Variants in GRAMD2B observed in about 807,000 individuals in gnomAD.
The protein encoded by GRAMD2B is GRAM domain-containing protein 2B.
GRAMD2B carries 41 observed loss-of-function variants against 59.2 expected under a neutral mutation model. That is an observed-to-expected ratio of 0.69 (90% CI 0.54 to 0.90). The LOEUF (loss-of-function observed/expected upper bound fraction) is 0.90, where lower values mean the gene tolerates loss of function less well. GRAMD2B is among the 40% of genes least tolerant of loss of function. GRAMD2B has a pLI of 0.00. For missense variants in GRAMD2B, 424 were observed against 500.5 expected (o/e 0.85, Z 1.46); for synonymous variants, 161 against 182.7 (o/e 0.88, Z 0.96).
In GRAMD2B at chr5:126,477,769, A is replaced by C. The variant is rs1770904219; in HGVS notation, c.564A>C (p.Ile188=). ...TALLVPNALI[I]ATVTDRYIFV... ...TTCTAGTGCCAAACGCCCTGATCAT[A>C]GCAACAGTCACAGACAGGGTGAGTA... Residue 188 remains isoleucine, a synonymous_variant, in exon 6 of 14, where the codon ATA becomes ATC. Coordinates refer to ENST00000285689, the MANE Select transcript of GRAMD2B (RefSeq NM_023927.4). 6.2e-7 allele frequency: 1 copy of C among 1,608,372 alleles called. No individual in the cohort carries two copies. Among genetic ancestry groups the C allele is most frequent in the African/African-American group, 1.3e-5 (1 of 74,788 alleles).
At chr5:126,363,230 A>C (rs1029864313) in intron 1 of GRAMD2B, among the ~76,000 whole-genome samples, 1 of 152,206 alleles carries the variant, frequency 6.6e-6, no homozygotes, top group Admixed American at 6.5e-5. Context: ...GCTCAGCATC[A>C]TTAGTCATTA....
At position 126,397,691 on chromosome 5, in the gene GRAMD2B, T is replaced by G. The variant is rs558714422; in HGVS notation, c.125+26124T>G. Among the ~76,000 whole-genome samples, 113 of 152,370 alleles carry G rather than the reference T, an allele frequency of 7.4e-4. 1 individual carries two copies. The highest frequency in any genetic ancestry group is 2.5e-3 in the African/African-American group (103 of 41,586). ...TGTATCACATTTATTGATTTGCATA[T>G]GTTGAACTAACCTTGCATCCCAGGA... On this transcript the variant is annotated intron_variant, in intron 1 of 8. Coordinates refer to the GRAMD2B transcript ENST00000506445.
chr5:126,404,931 A>T (rs781136822), intron 1 of GRAMD2B, among the ~76,000 whole-genome samples: 1 of 151,950 alleles, frequency 6.6e-6, no homozygotes, highest in Non-Finnish European at 1.5e-5. Context: ...AAGACTCTCC[A>T]TATTTTAATT....
intron 8 of GRAMD2B, among the ~76,000 whole-genome samples, chr5:126,481,464 A>G (rs964340283): frequency 6.6e-6 from 1 of 152,182 alleles, no homozygotes; most frequent in African/African-American, 2.4e-5. Flanking sequence ...ATATGAGCCC[A>G]TGGTTTCAAC....
intron 1 of GRAMD2B, among the ~76,000 whole-genome samples, chr5:126,404,899 C>T (rs1236246438): frequency 1.3e-5 from 2 of 151,904 alleles, no homozygotes; most frequent in Non-Finnish European, 2.9e-5. Context: ...AGGACACTTT[C>T]TACAGGTCAC....
intron 1 of GRAMD2B, among the ~76,000 whole-genome samples, chr5:126,462,884 T>G (rs930400156): frequency 6.6e-6 from 1 of 152,150 alleles, no homozygotes; most frequent in African/African-American, 2.4e-5. Context: ...GTGGAGAGTA[T>G]GTAGAAAAAA....
At chr5:126,378,050 T>C (rs538365258) in intron 1 of GRAMD2B, among the ~76,000 whole-genome samples, 79 of 152,322 alleles carry the variant, frequency 5.2e-4, no homozygotes, top group African/African-American at 1.9e-3. Context: ...GTGATATTTG[T>C]GCATAATAGA....
At chr5:126,412,294 G>C (rs1376252534) in intron 1 of GRAMD2B, among the ~76,000 whole-genome samples, 2 of 152,002 alleles carry the variant, frequency 1.3e-5, no homozygotes, top group Non-Finnish European at 2.9e-5. Context: ...TTGATGCCTA[G>C]TTTCTTAAGA....
chr5:126,369,798 A>C (rs2149689393), upstream of GRAMD2B, among the ~76,000 whole-genome samples: 1 of 152,314 alleles, frequency 6.6e-6, no homozygotes, highest in African/African-American at 2.4e-5. Context: ...CCTGCATGAG[A>C]CAGAGAGTAA....
At chr5:126,421,395 C>A (rs1302542850), upstream of GRAMD2B, among the ~76,000 whole-genome samples, 1 of 152,128 alleles carries the variant, frequency 6.6e-6, no homozygotes, top group Non-Finnish European at 1.5e-5. Flanking sequence ...TGTTCCAAAC[C>A]TATCCCTATT....
In GRAMD2B at chr5:126,360,444, G is replaced by T. The variant is rs1185573315; in HGVS notation, c.113G>T (p.Gly38Val). 3 of 1,551,140 alleles carry T rather than the reference G, an allele frequency of 1.9e-6. No homozygotes were observed. In the South Asian group the frequency reaches 3.6e-5, roughly 18 times the overall value. The change falls in exon 1 of 14, where the codon GGT becomes GTT. Residue 38 changes from glycine to valine, a missense_variant. Coordinates refer to the GRAMD2B transcript ENST00000513040. ...CACGGGAGAGAAGTGAAGCCAGTGG[G>T]TCCGGACCTGGAACTGTAAGTGACA...
At chr5:126,369,663 A>T (rs1427723093), upstream of GRAMD2B, among the ~76,000 whole-genome samples, 1 of 152,210 alleles carries the variant, frequency 6.6e-6, no homozygotes, top group East Asian at 1.9e-4. Flanking sequence ...ATATCAGTTG[A>T]TTGAGTGAGT....
At chr5:126,366,268 C>A (rs1347056083) in intron 1 of GRAMD2B, among the ~76,000 whole-genome samples, 5 of 152,180 alleles carry the variant, frequency 3.3e-5, no homozygotes. Context: ...TTCCAAGCTG[C>A]TTGGCAAGGT....
chr5:126,432,542 GACA>G (rs1200274037), intron 1 of GRAMD2B, among the ~76,000 whole-genome samples: 2 of 152,232 alleles, frequency 1.3e-5, no homozygotes, highest in African/African-American at 4.8e-5. Flanking sequence ...AATTCATCAT[GACA>G]ACTTTTATTA....
At chr5:126,414,706 T>G (rs1002442959) in intron 1 of GRAMD2B, among the ~76,000 whole-genome samples, 50 of 152,172 alleles carry the variant, frequency 3.3e-4, no homozygotes, top group Admixed American at 2.0e-3. Context: ...TGAGCTCAAG[T>G]GATCTTCCTA....
chr5:126,446,412 A>G (rs774521390), intron 1 of GRAMD2B, among the ~76,000 whole-genome samples: 7 of 152,106 alleles, frequency 4.6e-5, no homozygotes, highest in Non-Finnish European at 7.4e-5. Context: ...TTCAAAAATC[A>G]TTTCTGAAAA....
chr5:126,430,007 C>A (rs1243184908), intron 1 of GRAMD2B, among the ~76,000 whole-genome samples: 1 of 152,206 alleles, frequency 6.6e-6, no homozygotes, highest in African/African-American at 2.4e-5. Flanking sequence ...ACTGTTTCCA[C>A]TTGCTAAACT....
chr5:126,391,824 G>A (rs1375964522), intron 1 of GRAMD2B, among the ~76,000 whole-genome samples: 1 of 152,116 alleles, frequency 6.6e-6, no homozygotes, highest in Admixed American at 6.5e-5. Context: ...TAGAATTGGT[G>A]GGGAAAGTTA....
At chr5:126,484,243 G>A in intron 9 of GRAMD2B, 159 bp from the exon 10 acceptor site, 2 of 699,190 alleles carry the variant, frequency 2.9e-6, no homozygotes, top group South Asian at 2.2e-5. Flanking sequence ...ATTTGCTTAA[G>A]CATTCAATTT....
Sources: gnomAD v4.1 joint callset for allele counts (sites outside exome capture counted in the v4.1 genomes callset) on GRCh38, gnomAD v4.1.1 for gene constraint, MANE v1.5 for transcripts, NCBI Gene and HGNC (gene_info 2026-07-23, HGNC 2026-07-21) for gene names.